Variants in GGACT observed in about 807,000 individuals in gnomAD.
GGACT encodes the protein gamma-glutamylamine cyclotransferase, also known as gamma-glutamylaminecyclotransferase.
For missense variants in GGACT, 241 were observed against 233.2 expected (o/e 1.03, Z -0.22); for synonymous variants, 118 against 115.3 (o/e 1.02, Z -0.15).
At chr13:100,548,213 C>T (rs1157293262) in intron 2 of GGACT, among the ~76,000 whole-genome samples, 4 of 152,234 alleles carry the variant, frequency 2.6e-5, no homozygotes, top group East Asian at 1.9e-4. Flanking sequence ...GTTCATTTTT[C>T]TAGAGCATGG....
chr13:100,557,195 GT>G (rs1390934111), intron 2 of GGACT, among the ~76,000 whole-genome samples: 1 of 152,124 alleles, frequency 6.6e-6, no homozygotes, highest in Non-Finnish European at 1.5e-5. Flanking sequence ...CCAGCCCGAA[GT>G]TTCTATTTCA....
At chr13:100,582,880 C>T (rs1429523183) in intron 2 of GGACT, among the ~76,000 whole-genome samples, 2 of 152,144 alleles carry the variant, frequency 1.3e-5, no homozygotes, top group Non-Finnish European at 1.5e-5. Context: ...ATAGAAATTC[C>T]AACACCTTTT....
chr13:100,573,640 A>G (rs1369986118), intron 2 of GGACT, among the ~76,000 whole-genome samples: 1 of 152,156 alleles, frequency 6.6e-6, no homozygotes, highest in Non-Finnish European at 1.5e-5. Context: ...GGTGAGGGCC[A>G]CTGTGCTTGG....
intron 2 of GGACT, among the ~76,000 whole-genome samples, chr13:100,575,581 A>G (rs1230129254): frequency 6.6e-6 from 1 of 152,178 alleles, no homozygotes; most frequent in Non-Finnish European, 1.5e-5. Flanking sequence ...CCCAGGCAAC[A>G]TAGCAAGGCT....
chr13:100,533,653 CCTT>C (rs2088450078), intron 2 of GGACT: 2 of 152,268 alleles, frequency 1.3e-5, no homozygotes, highest in African/African-American at 4.8e-5. Flanking sequence ...AGCACCCACA[CCTT>C]CTGGTGTTTC....
chr13:100,538,587 C>T (rs837300), intron 2 of GGACT: 86,633 of 152,052 alleles, frequency 0.57, 25,203 homozygotes, highest in East Asian at 0.84. Flanking sequence ...ACAATAACCA[C>T]GGAAAGCAAA....
In GGACT at chr13:100,530,250, C is replaced by A; in HGVS notation, c.*1880G>T. On this transcript the variant is annotated 3_prime_UTR_variant, in exon 3 of 3. Transcript: ENST00000683975. ...ACACACAATTGATTCAAGCATTATA[C>A]AGGAACACCCCTGTGCAGCTACGTT... 9.4e-7 allele frequency: 1 copy of A among 1,067,092 alleles called. No individual in the cohort carries two copies. Among genetic ancestry groups the A allele is most frequent in the Non-Finnish European group, 1.5e-6 (1 of 687,946 alleles). 66.1% of individuals were successfully genotyped at this position (1,067,092 alleles called of 1,614,324 possible). A position where few individuals can be genotyped will look rare whatever the true frequency, so the allele number is the denominator to read the frequency against.
At chr13:100,587,718 A>G (rs1373788336) in intron 1 of GGACT, among the ~76,000 whole-genome samples, 1 of 152,230 alleles carries the variant, frequency 6.6e-6, no homozygotes, top group Non-Finnish European at 1.5e-5. Flanking sequence ...AGCAAAACGA[A>G]TAACTTGCTT....
At chr13:100,571,009 T>C (rs1875066972) in intron 2 of GGACT, among the ~76,000 whole-genome samples, 1 of 151,982 alleles carries the variant, frequency 6.6e-6, no homozygotes, top group African/African-American at 2.4e-5. Flanking sequence ...TTTATAGCCC[T>C]TGAGCTGTGT....
chr13:100,531,326 C>G lies in GGACT; in HGVS notation c.*804G>C, dbSNP rs1319160696. On this transcript the variant is annotated 3_prime_UTR_variant, in exon 3 of 3. Transcript: ENST00000683975. ...AGAACAAATTACTAATGCATTGGCTCTTCTTTGAAAGGACTCACCCCCAAA... is the reference window on the plus strand; with the variant it reads ...AGAACAAATTACTAATGCATTGGCTGTTCTTTGAAAGGACTCACCCCCAAA... The G allele has an allele frequency of 1.3e-5, 2 of 152,252 alleles. No homozygotes were observed. The highest frequency in any genetic ancestry group is 1.5e-5 in the Non-Finnish European group (1 of 68,052). The allele number at this position is 152,252 out of a possible 1,614,324, so 9.4% of individuals were successfully genotyped here. A position where few individuals can be genotyped will look rare whatever the true frequency, so the allele number is the denominator to read the frequency against.
Position 100,531,283 on chromosome 13 carries a change from A to T in GGACT, c.*847T>A, listed in dbSNP as rs2088371138. On this transcript the variant is annotated 3_prime_UTR_variant, in exon 3 of 3. Transcript: ENST00000683975. ...AAGTGCTGTTTGTATTTGGAAGCTA[A>T]GCTTCTGTCAGGCCTGAAGAACAAA... 1 of 152,188 alleles carries T rather than the reference A, an allele frequency of 6.6e-6. No homozygotes were observed. Among genetic ancestry groups the T allele is most frequent in the African/African-American group, 2.4e-5 (1 of 41,436 alleles). 9.4% of individuals were successfully genotyped at this position (152,188 alleles called of 1,614,324 possible). A position where few individuals can be genotyped will look rare whatever the true frequency, so the allele number is the denominator to read the frequency against.
At chr13:100,575,296 C>T (rs1204119116) in intron 2 of GGACT, among the ~76,000 whole-genome samples, 1 of 152,094 alleles carries the variant, frequency 6.6e-6, no homozygotes, top group South Asian at 2.1e-4. Context: ...CCAGTTTCAT[C>T]GTAGGGGAGG....
At chr13:100,559,225 T>C (rs2088736530) in intron 2 of GGACT, among the ~76,000 whole-genome samples, 1 of 152,198 alleles carries the variant, frequency 6.6e-6, no homozygotes, top group Admixed American at 6.5e-5. Context: ...GTCTCATCTG[T>C]TGCCCAGGCT....
Position 100,534,628 on chromosome 13 carries a change from C to T in GGACT, c.-10-2027G>A, listed in dbSNP as rs578093806. Among the ~76,000 whole-genome samples the T allele has an allele frequency of 3.2e-4, 48 of 152,258 alleles. No homozygotes were observed. The highest frequency in any genetic ancestry group is 1.1e-3 in the African/African-American group (47 of 41,534). On this transcript the variant is annotated intron_variant, in intron 2 of 2. Coordinates refer to ENST00000683975, the MANE Select transcript of GGACT (RefSeq NM_001195087.2). This position sits in a 1 kb window ranked among gnomAD's most constrained non-coding sequence, Gnocchi z 4.9. The stretch of plus-strand genomic sequence containing the variant: ...CGATGATGGTTTGGATCCTGCTGTG[C>T]AGCTGCCTTGGGGACTCAGCATTTG...
chr13:100,546,498 T>C (rs1050369825), intron 2 of GGACT, among the ~76,000 whole-genome samples: 2 of 149,592 alleles, frequency 1.3e-5, no homozygotes, highest in Non-Finnish European at 3.0e-5. Context: ...AATGAAAAAC[T>C]CCATGCTGAG....
chr13:100,539,915 G>A (rs2153012808), intron 2 of GGACT: 1 of 1,401,428 alleles, frequency 7.1e-7, no homozygotes, highest in Admixed American at 1.7e-5. Flanking sequence ...ATGGGCTTTG[G>A]TGGGGGACGT....
At chr13:100,581,483 T>C (rs1875415230) in intron 2 of GGACT, among the ~76,000 whole-genome samples, 1 of 152,220 alleles carries the variant, frequency 6.6e-6, no homozygotes, top group Non-Finnish European at 1.5e-5. Context: ...TAAGGAGTAT[T>C]GGATTAGAAC....
intron 2 of GGACT, among the ~76,000 whole-genome samples, chr13:100,567,635 G>A (rs1212339459): frequency 6.6e-6 from 1 of 152,198 alleles, no homozygotes. Context: ...ATATATGCCT[G>A]TATCCACATA....
At chr13:100,581,476 G>A (rs896765312) in intron 2 of GGACT, among the ~76,000 whole-genome samples, 1 of 152,216 alleles carries the variant, frequency 6.6e-6, no homozygotes, top group African/African-American at 2.4e-5. Flanking sequence ...AACAAAATAA[G>A]GAGTATTGGA....
Sources: gnomAD v4.1 joint callset for allele counts (sites outside exome capture counted in the v4.1 genomes callset) on GRCh38, gnomAD v4.1.1 for gene constraint, Gnocchi (gnomAD v3.1) non-coding constraint, MANE v1.5 for transcripts, NCBI Gene and HGNC (gene_info 2026-07-23, HGNC 2026-07-21) for gene names.